KAZN: variants seen among roughly 807,000 people sequenced by gnomAD.
KAZN encodes the protein kazrin.
Under a neutral mutation model 87.4 loss-of-function variants are expected in KAZN, and 40 were observed. The observed-to-expected ratio is 0.46, with a 90% CI of 0.36 to 0.60. The LOEUF (loss-of-function observed/expected upper bound fraction) is 0.60. Ranked by LOEUF, KAZN falls within the 20% of genes least tolerant of loss-of-function variation. The pLI is 0.00. For synonymous variants in KAZN, 466 were observed against 458.3 expected (o/e 1.02, Z -0.22); for missense variants, 898 against 1,073.9 (o/e 0.84, Z 2.29).
At chr1:15,073,859 T>C (rs1639623278) in intron 8 of KAZN, among the ~76,000 whole-genome samples, 1 of 152,112 alleles carries the variant, frequency 6.6e-6, no homozygotes, top group Non-Finnish European at 1.5e-5. Flanking sequence ...AGCCCTAAAC[T>C]GGGGGCAAGT....
At position 13,956,718 on chromosome 1, in the gene KAZN, T is replaced by C. The variant is rs142763344; in HGVS notation, c.91+62962T>C. Among the ~76,000 whole-genome samples the C allele has an allele frequency of 4.0e-3, 602 of 152,260 alleles. 3 individuals carry two copies. The highest frequency in any genetic ancestry group is 0.014 in the African/African-American group (581 of 41,546). On this transcript the variant is annotated intron_variant, in intron 1 of 16. Transcript: ENST00000636203. ...ATGATATGCACCCACTATTTTGTTGTTGGGAAAAAATTATTACTTTCAGAT... is the reference window on the plus strand; with the variant it reads ...ATGATATGCACCCACTATTTTGTTGCTGGGAAAAAATTATTACTTTCAGAT...
chr1:14,210,448 A>G (rs1646831208), intron 2 of KAZN, among the ~76,000 whole-genome samples: 1 of 152,214 alleles, frequency 6.6e-6, no homozygotes, highest in African/African-American at 2.4e-5. Context: ...CAACACTTAC[A>G]TAGTCATCCT....
chr1:15,019,974 G>A (rs745927129), intron 2 of KAZN, among the ~76,000 whole-genome samples: 4 of 152,102 alleles, frequency 2.6e-5, no homozygotes, highest in South Asian at 2.1e-4. Flanking sequence ...CACGGACAGC[G>A]TTGTCGTGGC....
chr1:14,276,160 GGTGT>G (rs5772575), intron 2 of KAZN, among the ~76,000 whole-genome samples: 28,781 of 135,250 alleles, frequency 0.21, 4,293 homozygotes, highest in East Asian at 0.44. Context: ...TCGCTATAAG[GGTGT>G]GTGTGTGTGT....
intron 1 of KAZN, among the ~76,000 whole-genome samples, chr1:14,164,422 G>A (rs900727416): frequency 6.6e-6 from 1 of 150,422 alleles, no homozygotes; most frequent in Non-Finnish European, 1.5e-5. Context: ...ATCCCTCAGA[G>A]TGAGCATTTC....
At chr1:14,426,410 A>G (rs888445107) in intron 2 of KAZN, among the ~76,000 whole-genome samples, 1 of 152,078 alleles carries the variant, frequency 6.6e-6, no homozygotes, top group Admixed American at 6.5e-5. Context: ...TAGATTGTAC[A>G]CTTCATGAGG....
chr1:14,927,227 AACT>A (rs1659269466), intron 1 of KAZN, among the ~76,000 whole-genome samples: 1 of 152,174 alleles, frequency 6.6e-6, no homozygotes. Context: ...GAGGTTCTTA[AACT>A]GGGAACAGGA....
intron 1 of KAZN, among the ~76,000 whole-genome samples, chr1:14,126,427 G>T (rs1403078349): frequency 1.4e-5 from 2 of 146,332 alleles, no homozygotes; most frequent in Non-Finnish European, 3.0e-5. Flanking sequence ...AAAGGAGAAA[G>T]TGATACCTCA....
chr1:14,971,379 CAGAGCGAGACT>C (rs1665010819), intron 2 of KAZN, among the ~76,000 whole-genome samples: 1 of 152,194 alleles, frequency 6.6e-6, no homozygotes, highest in African/African-American at 2.4e-5. Flanking sequence ...GCCTGGGCGA[CAGAGCGAGACT>C]GTCTCAAACA....
intron 2 of KAZN, among the ~76,000 whole-genome samples, chr1:14,357,929 T>C (rs1659175925): frequency 6.6e-6 from 1 of 152,240 alleles, no homozygotes; most frequent in South Asian, 2.1e-4. Flanking sequence ...GGGATGAAGC[T>C]GGCCTCATTA....
At chr1:14,106,304 G>A (rs1473914796) in intron 1 of KAZN, among the ~76,000 whole-genome samples, 1 of 152,174 alleles carries the variant, frequency 6.6e-6, no homozygotes, top group Non-Finnish European at 1.5e-5. Context: ...ATCCCCAGGT[G>A]GTCATAGAAA....
intron 2 of KAZN, among the ~76,000 whole-genome samples, chr1:14,456,402 G>A (rs1667568597): frequency 6.6e-6 from 1 of 152,000 alleles, no homozygotes; most frequent in Admixed American, 6.6e-5. Flanking sequence ...GTAGATATTC[G>A]AAAAATATTT....
rs112191078 is a variant in KAZN, at chr1:14,500,003, C to T, written c.250-98980C>T. On this transcript the variant is annotated intron_variant, in intron 2 of 16. Coordinates refer to the KAZN transcript ENST00000636203. ...TTAATTTCTTTTAAACTTAGAAAAA[C>T]GTGAATAGAATAAGTGAATTCATAT... is the stretch of plus-strand genomic sequence containing the variant. Among the ~76,000 whole-genome samples, 1,478 of 152,202 alleles carry T rather than the reference C, an allele frequency of 9.7e-3. 30 individuals carry two copies. Among genetic ancestry groups the T allele is most frequent in the African/African-American group, 0.033 (1,351 of 41,526 alleles).
chr1:15,020,459 C>T (rs1290730956), intron 2 of KAZN, among the ~76,000 whole-genome samples: 1 of 152,170 alleles, frequency 6.6e-6, no homozygotes, highest in African/African-American at 2.4e-5. Context: ...GGTAGCCTGT[C>T]GCTGACTTCT....
At chr1:13,983,011 A>G (rs1207441673) in intron 1 of KAZN, among the ~76,000 whole-genome samples, 1 of 152,204 alleles carries the variant, frequency 6.6e-6, no homozygotes, top group African/African-American at 2.4e-5. Context: ...TGAGCTAGAT[A>G]CAGAGTGCCC....
intron 1 of KAZN, among the ~76,000 whole-genome samples, chr1:14,042,549 C>T (rs1197185390): frequency 2.6e-5 from 4 of 152,236 alleles, no homozygotes; most frequent in Admixed American, 6.5e-5. Flanking sequence ...CTTTCTTCTG[C>T]TCACTCAATC....
At chr1:14,651,688 G>T (rs1369935411) in intron 1 of KAZN, among the ~76,000 whole-genome samples, 1 of 152,156 alleles carries the variant, frequency 6.6e-6, no homozygotes, top group Non-Finnish European at 1.5e-5. Context: ...TTTTGACTGG[G>T]GCTTTTTTCC....
At chr1:14,478,187 T>C (rs576938976) in intron 2 of KAZN, among the ~76,000 whole-genome samples, 3 of 148,490 alleles carry the variant, frequency 2.0e-5, no homozygotes, top group East Asian at 2.0e-4. Context: ...GGTGGAGAGA[T>C]GGATGGATAG....
At chr1:14,596,793 C>A (rs1034931635), upstream of KAZN, among the ~76,000 whole-genome samples, 1 of 152,224 alleles carries the variant, frequency 6.6e-6, no homozygotes, top group African/African-American at 2.4e-5. Flanking sequence ...CTCTTCACGG[C>A]TGAGTAATAT....
Sources: allele counts gnomAD v4.1 joint callset (sites outside exome capture counted in the v4.1 genomes callset), GRCh38; gene constraint gnomAD v4.1.1; transcripts MANE v1.5; gene names NCBI Gene and HGNC (gene_info 2026-07-23, HGNC 2026-07-21).